Variants in L3HYPDH observed in about 807,000 individuals in gnomAD.
L3HYPDH encodes the protein trans-L-3-hydroxyproline dehydratase.
A neutral mutation model predicts 26.5 loss-of-function variants in L3HYPDH; 32 were observed. The ratio of observed to expected loss-of-function variants is 1.21; its 90% confidence interval spans 0.91 to 1.62. The LOEUF (loss-of-function observed/expected upper bound fraction) is 1.62. Ranked by LOEUF, L3HYPDH falls within the 40% of genes most tolerant of loss-of-function variation. L3HYPDH has a pLI of 0.00. For synonymous variants in L3HYPDH, 215 were observed against 196.6 expected (o/e 1.09, Z -0.78); for missense variants, 554 against 476.4 (o/e 1.16, Z -1.52).
chr14:59,473,135 T>G, intron 4 of L3HYPDH, 45 bp from the exon 5 acceptor site: 1 of 1,532,840 alleles, frequency 6.5e-7, no homozygotes, highest in Non-Finnish European at 8.8e-7. Flanking sequence ...ATTGCACTCG[T>G]ATTATATCTG....
chr14:59,485,115 TAGTA>T, upstream of L3HYPDH: 1 of 1,598,416 alleles, frequency 6.3e-7, no homozygotes, highest in Admixed American at 1.7e-5. Flanking sequence ...GGGTTTTGCT[TAGTA>T]AGTGATAGGC....
At chr14:59,472,316 C>A (rs745522390), downstream of L3HYPDH, among the ~76,000 whole-genome samples, 4 of 152,158 alleles carry the variant, frequency 2.6e-5, no homozygotes, top group East Asian at 1.9e-4. Flanking sequence ...CAATAAGCAA[C>A]CCCTTTTATA....
chr14:59,480,756 A>G (rs1889961086), intron 1 of L3HYPDH, among the ~76,000 whole-genome samples: 1 of 152,194 alleles, frequency 6.6e-6, no homozygotes, highest in Non-Finnish European at 1.5e-5. Flanking sequence ...CAAAAGAGTA[A>G]AACATGCTGT....
Position 59,472,894 on chromosome 14 carries a change from T to A in L3HYPDH, c.*71A>T. 3 of 1,336,228 alleles carry A rather than the reference T, an allele frequency of 2.2e-6. No individual in the cohort carries two copies. Among genetic ancestry groups the A allele is most frequent in the Non-Finnish European group, 3.0e-6 (3 of 989,826 alleles). 82.8% of individuals were successfully genotyped at this position (1,336,228 alleles called of 1,614,324 possible). A position where few individuals can be genotyped will look rare whatever the true frequency, so the allele number is the denominator to read the frequency against. ...TATGTATAATTTATTTGTTTTCATA[T>A]AATTTAGAGAAAACAGTCCTTAAGG... On this transcript the variant is annotated 3_prime_UTR_variant, in exon 5 of 5. Coordinates refer to ENST00000247194, the MANE Select transcript of L3HYPDH (RefSeq NM_144581.2).
chr14:59,473,917 C>A (rs1889442305), intron 4 of L3HYPDH, among the ~76,000 whole-genome samples: 1 of 152,058 alleles, frequency 6.6e-6, no homozygotes, highest in Non-Finnish European at 1.5e-5. Flanking sequence ...TGGACGGGCC[C>A]ACACAGACAG....
chr14:59,502,296 T>G, the L3HYPDH span, among the ~76,000 whole-genome samples: 1 of 152,326 alleles, frequency 6.6e-6, no homozygotes, highest in Non-Finnish European at 1.5e-5. Flanking sequence ...AGCAGAAGTA[T>G]AAAGTGTCTC....
the L3HYPDH span, chr14:59,501,157 C>T: frequency 7.5e-7 from 1 of 1,328,608 alleles, no homozygotes; most frequent in Non-Finnish European, 1.1e-6. Context: ...AAATTTGTTT[C>T]ATTTCCAACA....
At chr14:59,487,767 A>G, upstream of L3HYPDH, 1 of 1,613,516 alleles carries the variant, frequency 6.2e-7, no homozygotes, top group Non-Finnish European at 8.5e-7. Context: ...TCTTGGATTT[A>G]TGGCAATGCT....
chr14:59,477,410 T>C (rs375321661), intron 2 of L3HYPDH, among the ~76,000 whole-genome samples: 2 of 152,252 alleles, frequency 1.3e-5, no homozygotes, highest in East Asian at 3.8e-4. Flanking sequence ...GAGTAATTAA[T>C]TGTACTGTCT....
rs745710575 is a variant in L3HYPDH at position 59,484,074 on chromosome 14, G to A, written c.243C>T (p.Val81=). The A allele has an allele frequency of 4.4e-6, 7 of 1,607,002 alleles. No individual in the cohort carries two copies. The South Asian group carries it at 7.7e-5, about 18-fold the overall frequency. Residue 81 remains valine (V), a synonymous_variant, in exon 1 of 5, where the codon GTC becomes GTT. Coordinates refer to ENST00000247194, the MANE Select transcript of L3HYPDH (RefSeq NM_144581.2). ...GHRDMYGAVL[V]PSELPDAHLG... ...GATGCGCGTCCGGCAGCTCGCTCGG[G>A]ACTAGGACCGCCCCGTACATGTCCC...
In L3HYPDH at chr14:59,484,324, G is replaced by A. The variant is rs1383792692; in HGVS notation, c.-8C>T. 1 of 1,578,398 alleles carries A rather than the reference G, an allele frequency of 6.3e-7. No homozygotes were observed. The highest frequency in any genetic ancestry group is 8.6e-7 in the Non-Finnish European group (1 of 1,169,392). ...CGCCAGCGCGCTCTCCATGGTCTGC[G>A]TCGGGGGAGACGAGTACGGTCCCGC... On this transcript the variant is annotated 5_prime_UTR_variant, in exon 1 of 5. It adds an upstream start codon to the 5' untranslated region. Coordinates refer to ENST00000247194, the MANE Select transcript of L3HYPDH (RefSeq NM_144581.2).
chr14:59,491,894 A>C, the L3HYPDH span, among the ~76,000 whole-genome samples: 1 of 152,228 alleles, frequency 6.6e-6, no homozygotes, highest in South Asian at 2.1e-4. Context: ...CCTGAAGCCT[A>C]AGGTAGTAGT....
intron 1 of L3HYPDH, among the ~76,000 whole-genome samples, chr14:59,482,408 G>A (rs1438729698): frequency 6.6e-6 from 1 of 152,158 alleles, no homozygotes; most frequent in Non-Finnish European, 1.5e-5. Context: ...AGGTCAAGTG[G>A]TTGACTGACC....
upstream of L3HYPDH, chr14:59,486,872 C>T (rs906139997): frequency 1.9e-5 from 21 of 1,110,740 alleles, no homozygotes; most frequent in African/African-American, 2.4e-4. Flanking sequence ...TTTTCACATA[C>T]AACATTTTTT....
rs551764080 is a variant in L3HYPDH, at chr14:59,484,330, G to T, written c.-14C>A. ...CGCGCTCTCCATGGTCTGCGTCGGG[G>T]GAGACGAGTACGGTCCCGCAGCTAT... On this transcript the variant is annotated 5_prime_UTR_variant, in exon 1 of 5. Coordinates refer to ENST00000247194, the MANE Select transcript of L3HYPDH (RefSeq NM_144581.2). 2.3e-4 allele frequency: 364 copies of T among 1,574,472 alleles called. 9 individuals carry two copies. The South Asian group carries it at 3.9e-3, about 17-fold the overall frequency.
chr14:59,497,256 T>A, the L3HYPDH span, among the ~76,000 whole-genome samples: 6 of 152,198 alleles, frequency 3.9e-5, no homozygotes, highest in African/African-American at 1.4e-4. Context: ...ACTAAAACTT[T>A]AAGAATGAGT....
chr14:59,503,522 G>C, the L3HYPDH span, among the ~76,000 whole-genome samples: 1 of 152,148 alleles, frequency 6.6e-6, no homozygotes. Context: ...AGCACATAAA[G>C]TGGAGTTTCC....
the L3HYPDH span, among the ~76,000 whole-genome samples, chr14:59,491,400 G>C: frequency 1.3e-5 from 2 of 152,214 alleles, no homozygotes; most frequent in Admixed American, 1.3e-4. Context: ...GTGTCTGGCT[G>C]TAGATAGGTT....
At chr14:59,502,773 T>TTGTTTTTTTTTTTTTTTTTTTTTTTTTTG in the L3HYPDH span, among the ~76,000 whole-genome samples, 5 of 102,836 alleles carry the variant, frequency 4.9e-5, no homozygotes, top group Non-Finnish European at 5.5e-5. Context: ...TTTTTTTTTT[T>TTGTTTTTTTTTTTTTTTTTTTTTTTTTTG]CGGAGTCTCA....
Sources: gnomAD v4.1 joint callset for allele counts (sites outside exome capture counted in the v4.1 genomes callset) on GRCh38, gnomAD v4.1.1 for gene constraint, MANE v1.5 for transcripts, NCBI Gene and HGNC (gene_info 2026-07-23, HGNC 2026-07-21) for gene names.